CACNA2D3: variants seen among roughly 807,000 people sequenced by gnomAD.
CACNA2D3 encodes the protein calcium voltage-gated channel auxiliary subunit alpha2delta 3.
A neutral mutation model predicts 160.6 loss-of-function variants in CACNA2D3; 60 were observed. That is an observed-to-expected ratio of 0.37 (90% CI 0.30 to 0.46). The LOEUF (loss-of-function observed/expected upper bound fraction) is 0.46. CACNA2D3 is among the 20% of genes least tolerant of loss of function. The pLI, the probability that CACNA2D3 is intolerant of heterozygous loss-of-function variation, is 1.00. For missense variants in CACNA2D3, 1,205 were observed against 1,365.0 expected (o/e 0.88, Z 1.85); for synonymous variants, 558 against 492.9 (o/e 1.13, Z -1.75).
chr3:54,165,698 C>T (rs141482994), intron 2 of CACNA2D3, among the ~76,000 whole-genome samples: 55 of 151,264 alleles, frequency 3.6e-4, no homozygotes, highest in Admixed American at 2.6e-3. Context: ...TTGCTTGAGC[C>T]GAGGTGGGAG....
At chr3:54,960,388 A>C (rs926659612) in intron 27 of CACNA2D3, among the ~76,000 whole-genome samples, 1 of 152,180 alleles carries the variant, frequency 6.6e-6, no homozygotes, top group Non-Finnish European at 1.5e-5. Flanking sequence ...ATATGCAATC[A>C]TTTAGGGGTT....
chr3:54,521,508 T>C (rs973417162), intron 5 of CACNA2D3, among the ~76,000 whole-genome samples: 2 of 152,224 alleles, frequency 1.3e-5, no homozygotes, highest in African/African-American at 2.4e-5. Flanking sequence ...TTTTTTGCTT[T>C]CTGGATGATG....
intron 14 of CACNA2D3, among the ~76,000 whole-genome samples, chr3:54,831,602 G>C (rs751529892): frequency 6.6e-6 from 1 of 152,232 alleles, no homozygotes; most frequent in Non-Finnish European, 1.5e-5. Context: ...ATCATAAAGA[G>C]TAGTCATTAC....
intron 2 of CACNA2D3, among the ~76,000 whole-genome samples, chr3:54,157,771 A>T (rs1342377878): frequency 1.3e-5 from 2 of 152,012 alleles, no homozygotes; most frequent in Admixed American, 6.6e-5. Context: ...AGCCTGGGCA[A>T]CAAGAGTGAA....
intron 10 of CACNA2D3, among the ~76,000 whole-genome samples, chr3:54,631,585 G>A (rs1381562871): frequency 6.6e-6 from 1 of 152,200 alleles, no homozygotes; most frequent in Non-Finnish European, 1.5e-5. Flanking sequence ...CGTGGCTGGA[G>A]CTTAGAATGG....
chr3:54,232,083 A>G (rs755544038), intron 2 of CACNA2D3, among the ~76,000 whole-genome samples: 6 of 152,268 alleles, frequency 3.9e-5, no homozygotes, highest in Non-Finnish European at 8.8e-5. Flanking sequence ...CTGTGTAAAC[A>G]CATGTGTATA....
intron 2 of CACNA2D3, among the ~76,000 whole-genome samples, chr3:54,232,066 G>T (rs1195394708): frequency 6.6e-6 from 1 of 152,232 alleles, no homozygotes; most frequent in Non-Finnish European, 1.5e-5. Context: ...CTTGGGGGCG[G>T]CCCCAGCTGT....
At chr3:54,337,205 A>T (rs1433140175) in intron 3 of CACNA2D3, among the ~76,000 whole-genome samples, 1 of 152,248 alleles carries the variant, frequency 6.6e-6, no homozygotes, top group African/African-American at 2.4e-5. Context: ...GATAACATTT[A>T]CAGTGAACTT....
chr3:54,542,840 C>T (rs1054228681), intron 5 of CACNA2D3, among the ~76,000 whole-genome samples: 1 of 152,118 alleles, frequency 6.6e-6, no homozygotes, highest in Admixed American at 6.5e-5. Flanking sequence ...TCAGTCCAAT[C>T]AAGTTGACAC....
chr3:54,675,333 C>T (rs183313967), intron 11 of CACNA2D3, among the ~76,000 whole-genome samples: 1 of 152,150 alleles, frequency 6.6e-6, no homozygotes, highest in Admixed American at 6.5e-5. Context: ...GATGCTGAAC[C>T]AGGAATGACA....
At chr3:54,616,797 G>A (rs1698860995) in intron 9 of CACNA2D3, among the ~76,000 whole-genome samples, 1 of 152,154 alleles carries the variant, frequency 6.6e-6, no homozygotes, top group African/African-American at 2.4e-5. Context: ...GTCAAGTGAT[G>A]TGAATTCATT....
At position 55,045,330 on chromosome 3, in the gene CACNA2D3, G is replaced by A. The variant is rs180772570; in HGVS notation, c.2987+27013G>A. Among the ~76,000 whole-genome samples, 7 of 152,288 alleles carry A rather than the reference G, an allele frequency of 4.6e-5. No individual in the cohort carries two copies. In the East Asian group the frequency reaches 1.2e-3, roughly 25 times the overall value. ...CTCCCAAAGTGCTGGGATTACAGGC[G>A]TGAGCCACCGCGTCAAGCCTATAGT... On this transcript the variant is annotated intron_variant, in intron 35 of 37. Coordinates refer to ENST00000474759, the MANE Select transcript of CACNA2D3 (RefSeq NM_018398.3).
intron 13 of CACNA2D3, among the ~76,000 whole-genome samples, chr3:54,814,253 G>A (rs544074346): frequency 6.6e-6 from 1 of 152,270 alleles, no homozygotes; most frequent in Admixed American, 6.5e-5. Flanking sequence ...TTGCTAATTA[G>A]TTAGAGCTGG....
intron 31 of CACNA2D3, among the ~76,000 whole-genome samples, chr3:54,990,342 C>A (rs756923460): frequency 6.6e-6 from 1 of 152,134 alleles, no homozygotes; most frequent in Admixed American, 6.5e-5. Context: ...ACCAGCCTGG[C>A]CAACAAGGTG....
chr3:54,788,782 T>A (rs1346907239), intron 13 of CACNA2D3, among the ~76,000 whole-genome samples: 1 of 152,232 alleles, frequency 6.6e-6, no homozygotes, highest in Admixed American at 6.5e-5. Context: ...AAAGTTAAAG[T>A]GCTGATACTG....
chr3:54,252,778 C>T (rs2107426756), intron 2 of CACNA2D3, among the ~76,000 whole-genome samples: 1 of 152,312 alleles, frequency 6.6e-6, no homozygotes, highest in Admixed American at 6.5e-5. Flanking sequence ...GTGCTCCTAC[C>T]ATCCTAGAAC....
intron 13 of CACNA2D3, among the ~76,000 whole-genome samples, chr3:54,809,080 CG>C (rs1703213021): frequency 6.6e-6 from 1 of 151,862 alleles, no homozygotes; most frequent in Non-Finnish European, 1.5e-5. Flanking sequence ...AGTTCAGAGA[CG>C]CTATATTGTT....
At position 54,944,111 on chromosome 3, in the gene CACNA2D3, A is replaced by G. The variant is rs34040347; in HGVS notation, c.2450-24339A>G. On this transcript the variant is annotated intron_variant, in intron 27 of 37. Coordinates refer to ENST00000474759, the MANE Select transcript of CACNA2D3 (RefSeq NM_018398.3). Reference sequence around the variant, plus strand: ...TGTTTAGGAAGTCTGATATCATACCATTTCCATATCCTTTGGTAGGAACAG... The same window carrying G: ...TGTTTAGGAAGTCTGATATCATACCGTTTCCATATCCTTTGGTAGGAACAG... Among the ~76,000 whole-genome samples, 115 of 152,054 alleles carry G rather than the reference A, an allele frequency of 7.6e-4. 1 individual carries two copies. Among genetic ancestry groups the G allele is most frequent in the Non-Finnish European group, 1.4e-3 (96 of 68,012 alleles).
intron 2 of CACNA2D3, among the ~76,000 whole-genome samples, chr3:54,225,433 AG>A (rs1701653857): frequency 1.3e-5 from 2 of 152,198 alleles, no homozygotes; most frequent in Non-Finnish European, 2.9e-5. Flanking sequence ...GGACTCCATG[AG>A]GTTAGACCTT....
Sources: allele counts gnomAD v4.1 joint callset (sites outside exome capture counted in the v4.1 genomes callset), GRCh38; gene constraint gnomAD v4.1.1; transcripts MANE v1.5; gene names NCBI Gene and HGNC (gene_info 2026-07-23, HGNC 2026-07-21).